The following BACH2 variants were observed in gnomAD, a reference collection of about 807,000 sequenced individuals.
BACH2 encodes transcription regulator protein BACH2.
BACH2 carries 5 observed loss-of-function variants against 61.8 expected under a neutral mutation model. The observed-to-expected ratio is 0.08, with a 90% CI of 0.04 to 0.17. The LOEUF is 0.17. Ranked by LOEUF, BACH2 falls within the 10% of genes least tolerant of loss-of-function variation. The probability of loss-of-function intolerance (pLI) is 1.00; values close to 1 mark genes in which losing one functional copy is unlikely to be tolerated. For missense variants in BACH2, 824 were observed against 1,091.1 expected, an observed-to-expected ratio of 0.76 and a Z score of 3.45; for synonymous variants, 446 against 440.1, an observed-to-expected ratio of 1.01 and a Z score of -0.17.
intron 4 of BACH2, among the ~76,000 whole-genome samples, chr6:90,126,561 C>T (rs1783859783): frequency 6.6e-6 from 1 of 152,122 alleles, no homozygotes; most frequent in Non-Finnish European, 1.5e-5. Flanking sequence ...AGTGTCAACC[C>T]TAGTGAAGTG....
intron 6 of BACH2, among the ~76,000 whole-genome samples, chr6:89,962,223 G>A (rs1443139349): frequency 6.6e-6 from 1 of 152,102 alleles, no homozygotes; most frequent in Admixed American, 6.5e-5. Flanking sequence ...CATCCAGTCT[G>A]GGAGCTTAGC....
intron 5 of BACH2, among the ~76,000 whole-genome samples, chr6:90,042,485 C>T (rs1334014680): frequency 6.6e-6 from 1 of 152,048 alleles, no homozygotes; most frequent in Non-Finnish European, 1.5e-5. Context: ...CAGGCACGAC[C>T]ACTGTGCCCA....
chr6:90,153,454 C>T (rs1784895349), intron 4 of BACH2, among the ~76,000 whole-genome samples: 1 of 152,034 alleles, frequency 6.6e-6, no homozygotes, highest in Non-Finnish European at 1.5e-5. Context: ...AATCTGATTC[C>T]TTCAATTTCA....
At chr6:90,203,525 A>G (rs4706358) in intron 4 of BACH2, among the ~76,000 whole-genome samples, 65,977 of 151,942 alleles carry the variant, frequency 0.43, 16,053 homozygotes, top group South Asian at 0.56. Flanking sequence ...TCAAGTCTGC[A>G]TGAGGGTTTG....
intron 2 of BACH2, among the ~76,000 whole-genome samples, chr6:90,263,348 T>C (rs1771225578): frequency 6.6e-6 from 1 of 152,160 alleles, no homozygotes; most frequent in Admixed American, 6.6e-5. Context: ...TTAATATGGT[T>C]CCCCTCCCAA....
chr6:90,047,656 T>G (rs770742103), intron 5 of BACH2, among the ~76,000 whole-genome samples: 3 of 152,206 alleles, frequency 2.0e-5, no homozygotes, highest in Non-Finnish European at 4.4e-5. Context: ...AGTATTTATA[T>G]TCTGAGGGTG....
At chr6:90,127,154 TA>T (rs924706302) in intron 4 of BACH2, among the ~76,000 whole-genome samples, 5 of 152,082 alleles carry the variant, frequency 3.3e-5, no homozygotes, top group African/African-American at 1.2e-4. Context: ...CGTTGTTGCA[TA>T]AAAAAAAGTA....
chr6:90,237,816 G>A (rs1770309480), intron 3 of BACH2, among the ~76,000 whole-genome samples: 1 of 152,174 alleles, frequency 6.6e-6, no homozygotes. Flanking sequence ...TCAAATCCAG[G>A]TCAGAACTCC....
At chr6:90,184,593 C>T (rs1463316260) in intron 4 of BACH2, among the ~76,000 whole-genome samples, 3 of 152,132 alleles carry the variant, frequency 2.0e-5, no homozygotes, top group Admixed American at 6.5e-5. Context: ...AAGTGGAGGA[C>T]CATATGAAGT....
intron 5 of BACH2, among the ~76,000 whole-genome samples, chr6:90,042,167 T>C (rs896630828): frequency 3.3e-5 from 5 of 152,050 alleles, no homozygotes; most frequent in Non-Finnish European, 7.4e-5. Flanking sequence ...CAGCAGTAAG[T>C]CTGTTGTAGG....
At chr6:90,200,307 G>C (rs1768914646) in intron 4 of BACH2, among the ~76,000 whole-genome samples, 1 of 152,128 alleles carries the variant, frequency 6.6e-6, no homozygotes, top group African/African-American at 2.4e-5. Context: ...GTTCAAACTT[G>C]TACACATCGG....
intron 4 of BACH2, among the ~76,000 whole-genome samples, chr6:90,187,274 G>C (rs1016677551): frequency 6.6e-6 from 1 of 152,184 alleles, no homozygotes; most frequent in Non-Finnish European, 1.5e-5. Context: ...CCCCTAAACG[G>C]AAGTATCTGT....
intron 4 of BACH2, among the ~76,000 whole-genome samples, chr6:90,091,441 C>T (rs1782154542): frequency 6.6e-6 from 1 of 152,130 alleles, no homozygotes; most frequent in African/African-American, 2.4e-5. Context: ...CATACAAACA[C>T]ATTCTTCCCA....
At chr6:90,170,830 T>C (rs572893977) in intron 4 of BACH2, among the ~76,000 whole-genome samples, 3 of 152,132 alleles carry the variant, frequency 2.0e-5, no homozygotes, top group Non-Finnish European at 4.4e-5. Context: ...TTTAAAGATA[T>C]GGCTAAGCAG....
chr6:89,946,882 C>T (rs559478551), intron 7 of BACH2, among the ~76,000 whole-genome samples: 70 of 152,224 alleles, frequency 4.6e-4, no homozygotes, highest in Non-Finnish European at 9.1e-4. Context: ...TAATACTGCG[C>T]TAATTTGATC....
intron 3 of BACH2, among the ~76,000 whole-genome samples, chr6:90,247,124 T>G (rs1163612705): frequency 6.6e-6 from 1 of 152,202 alleles, no homozygotes; most frequent in East Asian, 1.9e-4. Context: ...ACTACCACTA[T>G]AACGAGAACA....
At chr6:90,042,051 AACACACTG>A (rs748065377) in intron 5 of BACH2, among the ~76,000 whole-genome samples, 4 of 152,308 alleles carry the variant, frequency 2.6e-5, no homozygotes, top group South Asian at 4.1e-4. Flanking sequence ...TTCTGCTAAA[AACACACTG>A]ACACACTGAC....
At chr6:90,128,034 C>T (rs746574138) in intron 4 of BACH2, among the ~76,000 whole-genome samples, 2 of 151,776 alleles carry the variant, frequency 1.3e-5, no homozygotes, top group South Asian at 2.1e-4. Flanking sequence ...TCCCTTATGC[C>T]CCCCCATCTC....
chr6:89,990,241 CAT>C (rs1239457092), intron 6 of BACH2, among the ~76,000 whole-genome samples: 1 of 152,182 alleles, frequency 6.6e-6, no homozygotes, highest in African/African-American at 2.4e-5. Flanking sequence ...TGGGAGTTAA[CAT>C]TTTCATTGGA....
Sources: gnomAD v4.1 joint callset for allele counts (sites outside exome capture counted in the v4.1 genomes callset) on GRCh38, gnomAD v4.1.1 for gene constraint, MANE v1.5 for transcripts, NCBI Gene and HGNC (gene_info 2026-07-23, HGNC 2026-07-21) for gene names.